Variants in SNX9 observed in about 807,000 individuals in gnomAD.
SNX9 encodes sorting nexin 9, also known as sorting nexin-9.
In SNX9, 44 loss-of-function variants were observed where a neutral mutation model predicts 89.4. The ratio of observed to expected loss-of-function variants is 0.49; its 90% CI spans 0.39 to 0.63. SNX9 has a LOEUF of 0.63. Among genes scored for constraint, SNX9 ranks in the 30% least tolerant of loss-of-function variants. The probability of loss-of-function intolerance (pLI) is 0.00; values close to 1 mark genes in which losing one functional copy is unlikely to be tolerated. For synonymous variants in SNX9, 236 were observed against 247.8 expected, an observed-to-expected ratio of 0.95 and a Z score of 0.45; for missense variants, 578 against 736.1, an observed-to-expected ratio of 0.79 and a Z score of 2.49.
At chr6:157,854,592 A>G (rs1386003627) in intron 1 of SNX9, among the ~76,000 whole-genome samples, 1 of 152,244 alleles carries the variant, frequency 6.6e-6, no homozygotes, top group Non-Finnish European at 1.5e-5. Flanking sequence ...TTTAAAAATC[A>G]GCACTAATGC....
chr6:157,865,284 A>T (rs1782235830), intron 1 of SNX9, among the ~76,000 whole-genome samples: 1 of 150,666 alleles, frequency 6.6e-6, no homozygotes, highest in Non-Finnish European at 1.5e-5. Flanking sequence ...GGTTGCAGTG[A>T]GCCCAAATGG....
intron 1 of SNX9, among the ~76,000 whole-genome samples, chr6:157,850,429 G>A (rs1312314714): frequency 1.3e-5 from 2 of 152,228 alleles, no homozygotes; most frequent in Non-Finnish European, 2.9e-5. Flanking sequence ...TTTTAAGGAT[G>A]TGACAGACAG....
At chr6:157,866,787 C>T (rs1464453424) in intron 1 of SNX9, among the ~76,000 whole-genome samples, 1 of 152,088 alleles carries the variant, frequency 6.6e-6, no homozygotes, top group Non-Finnish European at 1.5e-5. Context: ...AGCGATTCTT[C>T]TAAAGATGTG....
rs539957181 is a variant in SNX9 at position 157,919,321 on chromosome 6, T to G, written c.950-2210T>G. 1.3e-5 allele frequency among the ~76,000 whole-genome samples: 2 copies of G among 152,346 alleles called. 1 individual carries two copies. Among genetic ancestry groups the G allele is most frequent in the South Asian group, 4.1e-4 (2 of 4,828 alleles). On this transcript the variant is annotated intron_variant, in intron 9 of 17. Coordinates refer to ENST00000392185, the MANE Select transcript of SNX9 (RefSeq NM_016224.5). ...CAGATATTTTTTGTCTCACTCTCTC[T>G]TCTTCCTCTGGGATTCTCATTACAA... is the stretch of plus-strand genomic sequence containing the variant.
chr6:157,928,507 A>T (rs1783740819), intron 11 of SNX9, 92 bp from the exon 12 acceptor site: 1 of 951,344 alleles, frequency 1.1e-6, no homozygotes, highest in Non-Finnish European at 1.6e-6. Context: ...TCATGCAAGA[A>T]AACAAGTGTC....
chr6:157,897,959 A>G (rs1013048353), intron 5 of SNX9, among the ~76,000 whole-genome samples: 1 of 152,180 alleles, frequency 6.6e-6, no homozygotes, highest in Non-Finnish European at 1.5e-5. Flanking sequence ...CCTCATTTGA[A>G]CAAAAGATGC....
At position 157,927,182 on chromosome 6, in the gene SNX9, A is replaced by G. The variant is rs757607330; in HGVS notation, c.1152A>G (p.Glu384=). 1.7e-5 allele frequency: 27 copies of G among 1,613,854 alleles called. No homozygotes were observed. Among genetic ancestry groups the G allele is most frequent in the Non-Finnish European group, 1.0e-5 (12 of 1,179,840 alleles). ...GAGTCATGATATTTTCCACCATGGA[A>G]CCAGAGGCACCTGACTTGGACTTAG... is the stretch of plus-strand genomic sequence containing the variant. ...LAGVMIFSTM[E]PEAPDLDLVE... Residue 384 remains glutamate (E), a synonymous_variant, in exon 11 of 18, where the codon GAA becomes GAG. Coordinates refer to ENST00000392185, the MANE Select transcript of SNX9 (RefSeq NM_016224.5).
chr6:157,883,524 TAGA>T (rs1782670788), intron 4 of SNX9, among the ~76,000 whole-genome samples: 1 of 152,216 alleles, frequency 6.6e-6, no homozygotes, highest in Admixed American at 6.5e-5. Flanking sequence ...AGGGAAACTG[TAGA>T]AGAAATTCAT....
At chr6:157,914,184 A>G (rs1273053580) in intron 9 of SNX9, among the ~76,000 whole-genome samples, 1 of 152,148 alleles carries the variant, frequency 6.6e-6, no homozygotes, top group African/African-American at 2.4e-5. Flanking sequence ...CATTTTAACC[A>G]GTCCGATAGG....
chr6:157,929,156 C>T (rs149878541), intron 12 of SNX9, among the ~76,000 whole-genome samples: 182 of 152,238 alleles, frequency 1.2e-3, no homozygotes, highest in African/African-American at 3.3e-3. Context: ...GGGAGAGTGT[C>T]GCTGTCAGTC....
chr6:157,895,390 T>A (rs757914256), intron 4 of SNX9, among the ~76,000 whole-genome samples: 3 of 152,198 alleles, frequency 2.0e-5, no homozygotes, highest in Non-Finnish European at 4.4e-5. Context: ...TTTAAAAAGT[T>A]GCTCTATTCC....
chr6:157,867,742 T>G (rs781573946), intron 2 of SNX9, 109 bp downstream of exon 2: 2 of 902,950 alleles, frequency 2.2e-6, no homozygotes, highest in Non-Finnish European at 3.1e-6. Flanking sequence ...GGACTTATTT[T>G]TAAGATTTTA....
In SNX9 at chr6:157,828,880, A is replaced by G. The variant is rs557976761; in HGVS notation, c.12+5434A>G. Among the ~76,000 whole-genome samples, 30 of 152,120 alleles carry G rather than the reference A, an allele frequency of 2.0e-4. 1 individual carries two copies. The South Asian group carries it at 6.2e-3, about 32-fold the overall frequency. ...CATTACACACCCCGACTGCCATTTT[A>G]TATTTGTTTCTATAACTGATGGCTG... On this transcript the variant is annotated intron_variant, in intron 1 of 17. Transcript: ENST00000392185.
At chr6:157,827,515 A>T (rs796857109) in intron 1 of SNX9, among the ~76,000 whole-genome samples, 763 of 5,680 alleles carry the variant, frequency 0.13, 92 homozygotes, top group Middle Eastern at 0.33. Context: ...ATATATAAAC[A>T]TATAGTTTAT....
intron 1 of SNX9, among the ~76,000 whole-genome samples, chr6:157,840,380 C>G (rs747957988): frequency 4.1e-5 from 6 of 145,254 alleles, no homozygotes; most frequent in Non-Finnish European, 7.4e-5. Context: ...TCACCACACC[C>G]AAAATGACTG....
At chr6:157,936,808 CAG>C (rs1783934939) in intron 14 of SNX9, among the ~76,000 whole-genome samples, 1 of 152,158 alleles carries the variant, frequency 6.6e-6, no homozygotes, top group Admixed American at 6.5e-5. Context: ...ACCCCAGTTT[CAG>C]GGGCTTTTTA....
intron 1 of SNX9, among the ~76,000 whole-genome samples, chr6:157,863,680 A>C (rs1032762390): frequency 2.0e-5 from 3 of 152,164 alleles, no homozygotes; most frequent in Non-Finnish European, 4.4e-5. Context: ...TGAGGCCAGC[A>C]CCTCTGTCTG....
At chr6:157,930,246 G>A (rs75670926) in intron 12 of SNX9, among the ~76,000 whole-genome samples, 2,276 of 152,198 alleles carry the variant, frequency 0.015, 62 homozygotes, top group African/African-American at 0.052. Context: ...CCAGCTGTTC[G>A]TGCTTGAGGG....
intron 10 of SNX9, among the ~76,000 whole-genome samples, chr6:157,925,715 T>TA (rs748170669): frequency 3.3e-5 from 5 of 152,054 alleles, no homozygotes; most frequent in Non-Finnish European, 5.9e-5. Flanking sequence ...AGAACGCATT[T>TA]ATAGGGCTCT....
Sources: allele counts gnomAD v4.1 joint callset (sites outside exome capture counted in the v4.1 genomes callset), GRCh38; gene constraint gnomAD v4.1.1; transcripts MANE v1.5; gene names NCBI Gene and HGNC (gene_info 2026-07-23, HGNC 2026-07-21).